The following TRIP13 variants were observed in gnomAD, a reference collection of about 807,000 sequenced individuals.
TRIP13 encodes thyroid hormone receptor interactor 13.
TRIP13 carries 25 observed loss-of-function variants against 54.4 expected under a neutral mutation model. The ratio of observed to expected loss-of-function variants is 0.46; its 90% CI spans 0.33 to 0.64. The LOEUF (loss-of-function observed/expected upper bound fraction) is 0.64. Ranked by LOEUF, TRIP13 falls within the 30% of genes least tolerant of loss-of-function variation. TRIP13 has a pLI of 0.02. For synonymous variants in TRIP13, 207 were observed against 207.8 expected (o/e 1.00, Z 0.03); for missense variants, 373 against 534.2 (o/e 0.70, Z 2.97).
At chr5:900,942 G>A (rs1299072169) in intron 4 of TRIP13, among the ~76,000 whole-genome samples, 2 of 151,856 alleles carry the variant, frequency 1.3e-5, no homozygotes, top group African/African-American at 4.8e-5. Context: ...CCTCTGCATT[G>A]ATAGTCTGAG....
At chr5:909,776 G>A (rs1156862981) in intron 9 of TRIP13, among the ~76,000 whole-genome samples, 3 of 152,230 alleles carry the variant, frequency 2.0e-5, no homozygotes, top group South Asian at 2.1e-4. Flanking sequence ...GGGATAGGCC[G>A]AATTAAAGGA....
intron 5 of TRIP13, 134 bp downstream of exon 5, chr5:901,565 C>T (rs1753991334): frequency 2.7e-6 from 2 of 731,366 alleles, no homozygotes; most frequent in Non-Finnish European, 2.2e-6. Flanking sequence ...AATGTCCCCT[C>T]TCTGTGAAGC....
chr5:892,925 C>A lies in TRIP13; in HGVS notation c.-74C>A. The stretch of plus-strand genomic sequence containing the variant: ...CGGGGCCCGCGGGCTGAGGCAGCGG[C>A]TGTGGCGGCGACGCTGGGCGTGAGG... On this transcript the variant is annotated 5_prime_UTR_variant, in exon 1 of 13. It adds an upstream start codon to the 5' untranslated region. Coordinates refer to ENST00000166345, the MANE Select transcript of TRIP13 (RefSeq NM_004237.4). 1 of 1,343,594 alleles carries A rather than the reference C, an allele frequency of 7.4e-7. No individual in the cohort carries two copies. 83.2% of individuals were successfully genotyped at this position (1,343,594 alleles called of 1,614,324 possible). A position where few individuals can be genotyped will look rare whatever the true frequency, so the allele number is the denominator to read the frequency against.
chr5:918,524 T>C (rs974541956), downstream of TRIP13, among the ~76,000 whole-genome samples: 4 of 152,104 alleles, frequency 2.6e-5, no homozygotes, highest in Non-Finnish European at 4.4e-5. The surrounding 1 kb of genome is among the most constrained non-coding windows in gnomAD (Gnocchi z 4.3). Context: ...TTAAAACAGT[T>C]GGGGGTGGGG....
intron 9 of TRIP13, among the ~76,000 whole-genome samples, chr5:910,652 G>C (rs531476602): frequency 1.3e-5 from 2 of 152,278 alleles, no homozygotes; most frequent in East Asian, 3.9e-4. Flanking sequence ...TGCCTCTCTT[G>C]CCTTCATTCC....
intron 2 of TRIP13, among the ~76,000 whole-genome samples, chr5:895,216 C>T (rs1438332755): frequency 6.6e-6 from 1 of 152,120 alleles, no homozygotes; most frequent in African/African-American, 2.4e-5. Context: ...TAGTGGGCTG[C>T]GCTGGTAAGG....
chr5:906,067 A>C (rs1205576053), intron 6 of TRIP13, among the ~76,000 whole-genome samples: 1 of 152,054 alleles, frequency 6.6e-6, no homozygotes, highest in Non-Finnish European at 1.5e-5. Context: ...AAATACAAAA[A>C]ATTAGCTGGG....
chr5:914,116 G>A (rs1375178905), intron 10 of TRIP13, among the ~76,000 whole-genome samples: 3 of 152,138 alleles, frequency 2.0e-5, no homozygotes, highest in Non-Finnish European at 2.9e-5. Flanking sequence ...TGACGTCTCC[G>A]AAGGTGGCAT....
At chr5:894,688 G>A in intron 1 of TRIP13, 99 bp from the exon 2 acceptor site, 3 of 1,375,574 alleles carry the variant, frequency 2.2e-6, no homozygotes, top group Non-Finnish European at 2.9e-6. Flanking sequence ...TTAACTACTG[G>A]GCTTTCTTAT....
Position 907,882 on chromosome 5 carries a change from G to A in TRIP13, c.673-106G>A. 1.8e-6 allele frequency: 2 copies of A among 1,141,858 alleles called. No homozygotes were observed. The highest frequency in any genetic ancestry group is 2.6e-6 in the Non-Finnish European group (2 of 760,488). The allele number at this position is 1,141,858 out of a possible 1,614,324, so 70.7% of individuals were successfully genotyped here. On this transcript the variant is annotated intron_variant, in intron 7 of 12. Transcript: ENST00000166345. The surrounding 1 kb of genome is among the most constrained non-coding windows in gnomAD (Gnocchi z 4.1). ...CTTTCTGAGGGGCCGTCAGGAGACA[G>A]TGGGCTTGTGGGGACAACTGGGGCA...
intron 6 of TRIP13, among the ~76,000 whole-genome samples, chr5:906,297 ATTGGT>A (rs1754114303): frequency 6.6e-6 from 1 of 152,214 alleles, no homozygotes; most frequent in African/African-American, 2.4e-5. Context: ...GGAAATATGC[ATTGGT>A]TTTATGGCTT....
intron 10 of TRIP13, among the ~76,000 whole-genome samples, chr5:914,138 C>T (rs1201753181): frequency 6.6e-6 from 1 of 152,184 alleles, no homozygotes; most frequent in Non-Finnish European, 1.5e-5. Flanking sequence ...ACAGACTGGA[C>T]TGGGTGCCTC....
chr5:894,506 G>C (rs1225525222), intron 1 of TRIP13, among the ~76,000 whole-genome samples: 2 of 152,196 alleles, frequency 1.3e-5, no homozygotes, highest in Non-Finnish European at 2.9e-5. Context: ...TAAACACTTT[G>C]AGTGTATTAA....
At chr5:896,190 G>A (rs930023323) in intron 2 of TRIP13, among the ~76,000 whole-genome samples, 3 of 152,146 alleles carry the variant, frequency 2.0e-5, no homozygotes, top group African/African-American at 7.2e-5. Flanking sequence ...GCGCACACTT[G>A]TAGTGTCAGC....
rs138264967 is a variant in TRIP13 at position 915,367 on chromosome 5, A to G, written c.1134-537A>G. ...GGCAGGTGATGCCTTCCCTGAGCGCAAGGATGCTGGCCCTGGGGCAGAGGC... is the reference window on the plus strand; with the variant it reads ...GGCAGGTGATGCCTTCCCTGAGCGCGAGGATGCTGGCCCTGGGGCAGAGGC... On this transcript the variant is annotated intron_variant, in intron 11 of 12. Coordinates refer to ENST00000166345, the MANE Select transcript of TRIP13 (RefSeq NM_004237.4). This position sits in a 1 kb window ranked among gnomAD's most constrained non-coding sequence, Gnocchi z 4.2. Among the ~76,000 whole-genome samples the G allele has an allele frequency of 6.6e-3, 995 of 151,546 alleles. 15 individuals carry two copies. The highest frequency in any genetic ancestry group is 0.023 in the African/African-American group (953 of 41,156).
chr5:896,922 T>G, intron 3 of TRIP13, 128 bp downstream of exon 3: 2 of 1,131,144 alleles, frequency 1.8e-6, no homozygotes, highest in East Asian at 5.3e-5. Context: ...GTTTTCTCTC[T>G]TATGAAATGG....
chr5:900,577 G>A, intron 4 of TRIP13, 28 bp downstream of exon 4: 1 of 1,606,824 alleles, frequency 6.2e-7, no homozygotes, highest in East Asian at 2.3e-5. Context: ...TTCCCAGAAT[G>A]CCCTGTTATT....
At position 907,797 on chromosome 5, in the gene TRIP13, A is replaced by C. The variant is rs986973610; in HGVS notation, c.673-191A>C. On this transcript the variant is annotated intron_variant, in intron 7 of 12. Transcript: ENST00000166345. The surrounding 1 kb of genome is among the most constrained non-coding windows in gnomAD (Gnocchi z 4.1). ...CTCAGCACCCTGGCATTCAAAGCAG[A>C]GGGGAAGAGTGTTAGGCTGACCTCC... Among the ~76,000 whole-genome samples the C allele has an allele frequency of 2.0e-5, 3 of 152,198 alleles. No individual in the cohort carries two copies. The highest frequency in any genetic ancestry group is 2.9e-5 in the Non-Finnish European group (2 of 68,040).
intron 6 of TRIP13, among the ~76,000 whole-genome samples, chr5:904,838 C>A (rs966157085): frequency 1.3e-5 from 2 of 152,094 alleles, no homozygotes; most frequent in African/African-American, 4.8e-5. Flanking sequence ...CTATTTGATT[C>A]TTTTTATACT....
Sources: gnomAD v4.1 joint callset for allele counts (sites outside exome capture counted in the v4.1 genomes callset) on GRCh38, gnomAD v4.1.1 for gene constraint, Gnocchi (gnomAD v3.1) non-coding constraint, MANE v1.5 for transcripts, NCBI Gene and HGNC (gene_info 2026-07-23, HGNC 2026-07-21) for gene names.